The following WWTR1 variants were observed in gnomAD, a reference collection of about 807,000 sequenced individuals.
WWTR1 encodes the protein WW domain-containing transcription regulator protein 1.
Under a neutral mutation model 40.1 loss-of-function variants are expected in WWTR1, and 13 were observed. The observed-to-expected ratio is 0.32, with a 90% CI of 0.21 to 0.52. The LOEUF (loss-of-function observed/expected upper bound fraction) is 0.52. Among genes scored for constraint, WWTR1 ranks in the 20% least tolerant of loss-of-function variants. The pLI, the probability that WWTR1 is intolerant of heterozygous loss-of-function variation, is 0.97. For missense variants in WWTR1, 436 were observed against 523.1 expected, an observed-to-expected ratio of 0.83 and a Z score of 1.63; for synonymous variants, 230 against 210.1, an observed-to-expected ratio of 1.09 and a Z score of -0.82.
At chr3:149,623,015 T>C (rs1360535154) in intron 2 of WWTR1, among the ~76,000 whole-genome samples, 4 of 152,182 alleles carry the variant, frequency 2.6e-5, no homozygotes, top group Non-Finnish European at 5.9e-5. Context: ...AGTAATTCCA[T>C]TGCTAAGAAC....
At chr3:149,640,954 T>C (rs1016301176) in intron 2 of WWTR1, among the ~76,000 whole-genome samples, 2 of 152,198 alleles carry the variant, frequency 1.3e-5, no homozygotes, top group Admixed American at 1.3e-4. Context: ...CCAAAATTAT[T>C]TTACGTATCA....
At chr3:149,689,380 C>CAAAAAAAAAAAAAAAAAAAAGAAA in intron 1 of WWTR1, among the ~76,000 whole-genome samples, 1 of 36,696 alleles carries the variant, frequency 2.7e-5, no homozygotes, top group Non-Finnish European at 4.5e-5. Flanking sequence ...GAACCTATCT[C>CAAAAAAAAAAAAAAAAAAAAGAAA]AAAAAAAAAA....
At chr3:149,718,731 A>G (rs1576651456) in intron 4 of WWTR1, among the ~76,000 whole-genome samples, 1 of 152,118 alleles carries the variant, frequency 6.6e-6, no homozygotes. Context: ...ATCATATAGT[A>G]TTTGTTGTTT....
At chr3:149,702,485 A>ATTATTATTATTC (rs1286707096) in intron 1 of WWTR1, 2 of 150,504 alleles carry the variant, frequency 1.3e-5, no homozygotes, top group Non-Finnish European at 3.0e-5. Context: ...TATTATTATT[A>ATTATTATTATTC]TTATTATTTT....
chr3:149,635,559 A>G (rs982358676), intron 2 of WWTR1, among the ~76,000 whole-genome samples: 1 of 152,038 alleles, frequency 6.6e-6, no homozygotes, highest in Non-Finnish European at 1.5e-5. Context: ...GAGAAGAAGA[A>G]GAGGAAGGAG....
intron 1 of WWTR1, among the ~76,000 whole-genome samples, chr3:149,695,359 C>T (rs1714951149): frequency 6.6e-6 from 1 of 151,982 alleles, no homozygotes; most frequent in African/African-American, 2.4e-5. Flanking sequence ...TGATGATACC[C>T]CATTTACCCT....
chr3:149,583,059 A>G (rs1011214346), intron 2 of WWTR1, among the ~76,000 whole-genome samples: 2 of 152,138 alleles, frequency 1.3e-5, no homozygotes, highest in African/African-American at 4.8e-5. Context: ...TCCGCCCCTC[A>G]GGTTCAAGCG....
rs150391375 is a variant in WWTR1, at chr3:149,547,944, T to TCACACACA, written c.569-5415_569-5408dup. The stretch of plus-strand genomic sequence containing the variant: ...GCATTATTCAATATAAAGGAAAAAA[T>TCACACACA]CACACACACACACACACACACAAAA... On this transcript the variant is annotated intron_variant, in intron 3 of 6. Transcript: ENST00000360632. Among the ~76,000 whole-genome samples the TCACACACA allele has an allele frequency of 2.5e-3, 358 of 144,982 alleles. 2 individuals are homozygous for TCACACACA. Among genetic ancestry groups the TCACACACA allele is most frequent in the Admixed American group, 3.7e-3 (52 of 14,226 alleles).
In WWTR1 at chr3:149,562,037, T is replaced by C. The variant is rs143011966; in HGVS notation, c.568+10827A>G. 2.5e-3 allele frequency among the ~76,000 whole-genome samples: 375 copies of C among 152,308 alleles called. 2 individuals carry two copies. Among genetic ancestry groups the C allele is most frequent in the Admixed American group, 5.1e-3 (78 of 15,302 alleles). On this transcript the variant is annotated intron_variant, in intron 3 of 6. Coordinates refer to ENST00000360632, the MANE Select transcript of WWTR1 (RefSeq NM_015472.6). ...CTGGCCAGGCGCAGTTGCTTACACC[T>C]GTAATCCCAACACTTTGGGGGCCGA...
chr3:149,624,710 T>A (rs1740465348), intron 2 of WWTR1, among the ~76,000 whole-genome samples: 1 of 150,780 alleles, frequency 6.6e-6, no homozygotes, highest in South Asian at 2.1e-4. Context: ...ATTTTTAACC[T>A]TTTTTTTTAG....
intron 3 of WWTR1, among the ~76,000 whole-genome samples, chr3:149,560,961 C>G (rs548487009): frequency 1.3e-4 from 20 of 151,638 alleles, no homozygotes; most frequent in Non-Finnish European, 2.1e-4. Context: ...GTAACACCCC[C>G]CCCCGCAAAA....
chr3:149,600,163 G>A (rs1739180261), intron 2 of WWTR1, among the ~76,000 whole-genome samples: 1 of 151,692 alleles, frequency 6.6e-6, no homozygotes, highest in African/African-American at 2.4e-5. Context: ...ATCTTCCAGG[G>A]TCCTGGAACC....
chr3:149,664,500 G>A (rs2099479), intron 2 of WWTR1, among the ~76,000 whole-genome samples: 94,278 of 151,956 alleles, frequency 0.62, 29,281 homozygotes, highest in Admixed American at 0.68. Context: ...TTTTGTTGCC[G>A]TGTTTCACTT....
chr3:149,651,443 A>G (rs908264099), intron 2 of WWTR1, among the ~76,000 whole-genome samples: 1 of 152,344 alleles, frequency 6.6e-6, no homozygotes, highest in Admixed American at 6.5e-5. Flanking sequence ...ACGGCACAGA[A>G]CGAGAAAGGA....
At chr3:149,598,544 A>G (rs540221192) in intron 2 of WWTR1, among the ~76,000 whole-genome samples, 1 of 152,260 alleles carries the variant, frequency 6.6e-6, no homozygotes, top group South Asian at 2.1e-4. Context: ...GTGTCTCCCA[A>G]ATTGCTTGGA....
At chr3:149,640,901 T>G (rs1712134717) in intron 2 of WWTR1, among the ~76,000 whole-genome samples, 1 of 152,230 alleles carries the variant, frequency 6.6e-6, no homozygotes, top group Non-Finnish European at 1.5e-5. Flanking sequence ...ACTATACAGA[T>G]GTATTCTTTA....
At chr3:149,580,389 C>T (rs1468864512) in intron 2 of WWTR1, among the ~76,000 whole-genome samples, 1 of 152,142 alleles carries the variant, frequency 6.6e-6, no homozygotes, top group East Asian at 1.9e-4. Flanking sequence ...CCTCTGCTGT[C>T]ACCTAAAACC....
At chr3:149,664,881 G>T (rs1410757306) in intron 2 of WWTR1, among the ~76,000 whole-genome samples, 1 of 151,938 alleles carries the variant, frequency 6.6e-6, no homozygotes, top group Non-Finnish European at 1.5e-5. Context: ...GAACCACCGC[G>T]CCCGGCCAGA....
upstream of WWTR1, among the ~76,000 whole-genome samples, chr3:149,659,119 C>T (rs1031855230): frequency 7.2e-5 from 11 of 152,154 alleles, no homozygotes; most frequent in Non-Finnish European, 1.5e-4. Flanking sequence ...TCTCTGGTTG[C>T]CTCTCCACTG....
Sources: allele counts gnomAD v4.1 joint callset (sites outside exome capture counted in the v4.1 genomes callset), GRCh38; gene constraint gnomAD v4.1.1; transcripts MANE v1.5; gene names NCBI Gene and HGNC (gene_info 2026-07-23, HGNC 2026-07-21).